The following RGS7 variants were observed in gnomAD, a reference collection of about 807,000 sequenced individuals.
RGS7 encodes regulator of G-protein signaling 7.
A neutral mutation model predicts 81.1 loss-of-function variants in RGS7; 27 were observed. That is an observed-to-expected ratio of 0.33 (90% CI 0.25 to 0.46). RGS7 has a LOEUF of 0.46. Among genes scored for constraint, RGS7 ranks in the 20% least tolerant of loss-of-function variants. The pLI, the probability that RGS7 is intolerant of heterozygous loss-of-function variation, is 1.00. For missense variants in RGS7, 396 were observed against 607.4 expected (o/e 0.65, Z 3.66); for synonymous variants, 208 against 207.7 (o/e 1.00, Z -0.01).
intron 2 of RGS7, among the ~76,000 whole-genome samples, chr1:241,274,741 C>T (rs1349515272): frequency 6.6e-6 from 1 of 152,132 alleles, no homozygotes; most frequent in Non-Finnish European, 1.5e-5. Flanking sequence ...CTCATTACGG[C>T]CCATGGAAAT....
chr1:241,306,411 GCACACACGTCCATACACCCTTTA>G (rs1228792024), intron 2 of RGS7, among the ~76,000 whole-genome samples: 13 of 125,110 alleles, frequency 1.0e-4, no homozygotes, highest in African/African-American at 3.4e-4. Context: ...ACCCTCACAT[GCACACACGTCCATACACCCTTTA>G]CACACACCCC....
intron 3 of RGS7, among the ~76,000 whole-genome samples, chr1:241,078,350 A>G (rs1020222048): frequency 7.6e-6 from 1 of 131,988 alleles, no homozygotes; most frequent in African/African-American, 3.0e-5. Context: ...TGTGTGGCAT[A>G]AACTGATACT....
At chr1:241,276,744 T>C (rs904153317) in intron 2 of RGS7, among the ~76,000 whole-genome samples, 6 of 152,254 alleles carry the variant, frequency 3.9e-5, no homozygotes, top group African/African-American at 1.4e-4. Flanking sequence ...CTACCTGGCA[T>C]ACAAGTATTT....
intron 3 of RGS7, among the ~76,000 whole-genome samples, chr1:241,025,527 A>G (rs1416683502): frequency 1.3e-5 from 2 of 152,194 alleles, no homozygotes; most frequent in Non-Finnish European, 2.9e-5. Flanking sequence ...TTCAAGCTCT[A>G]ACTACTTGGC....
intron 9 of RGS7, among the ~76,000 whole-genome samples, chr1:240,867,477 G>A (rs1236178391): frequency 6.6e-6 from 1 of 152,154 alleles, no homozygotes; most frequent in East Asian, 1.9e-4. Flanking sequence ...TCTTATAGTT[G>A]CTGGTAACCA....
intron 3 of RGS7, among the ~76,000 whole-genome samples, chr1:241,033,774 T>TG (rs1371721275): frequency 1.3e-5 from 2 of 152,212 alleles, no homozygotes; most frequent in Non-Finnish European, 2.9e-5. Context: ...TGGGAATCCT[T>TG]AATCTAGAGC....
chr1:241,082,700 ATAGT>A (rs2063204001), intron 3 of RGS7, among the ~76,000 whole-genome samples: 1 of 152,218 alleles, frequency 6.6e-6, no homozygotes, highest in Non-Finnish European at 1.5e-5. Flanking sequence ...GTATTTCAAA[ATAGT>A]TAGAAGAGAA....
intron 2 of RGS7, among the ~76,000 whole-genome samples, chr1:241,150,919 A>G (rs1021180105): frequency 6.6e-6 from 1 of 152,204 alleles, no homozygotes; most frequent in East Asian, 1.9e-4. Context: ...CACTGTTGCA[A>G]GCCCTGGAGT....
chr1:241,019,220 A>C (rs2059420855), intron 3 of RGS7, among the ~76,000 whole-genome samples: 1 of 152,136 alleles, frequency 6.6e-6, no homozygotes, highest in Non-Finnish European at 1.5e-5. Context: ...TCTTCATTTA[A>C]ATGTTCTTAC....
chr1:241,174,860 T>C (rs2070988652), intron 2 of RGS7, among the ~76,000 whole-genome samples: 1 of 151,948 alleles, frequency 6.6e-6, no homozygotes, highest in Non-Finnish European at 1.5e-5. Flanking sequence ...GAAAATGTTT[T>C]CTATGTGTTA....
chr1:241,012,229 G>A (rs1042188043), intron 3 of RGS7, among the ~76,000 whole-genome samples: 8 of 152,134 alleles, frequency 5.3e-5, no homozygotes, highest in Admixed American at 3.3e-4. Context: ...AGGGCAACAC[G>A]CAGATACACA....
At chr1:240,907,972 T>A (rs1198619974) in intron 6 of RGS7, among the ~76,000 whole-genome samples, 1 of 152,196 alleles carries the variant, frequency 6.6e-6, no homozygotes, top group African/African-American at 2.4e-5. Context: ...TATTTTTATT[T>A]TTTAATTTTC....
rs2076235684 is a variant in RGS7, at chr1:241,241,026, G to A, written c.78+114673C>T. On this transcript the variant is annotated intron_variant, in intron 2 of 18. Coordinates refer to ENST00000440928, the MANE Select transcript of RGS7 (RefSeq NM_001364886.1). ...GGCAGGCCAGAGCTAATTAAGAAGA[G>A]AACAGCCCAGGTTCACCCTCCCAAC... 2.0e-5 allele frequency among the ~76,000 whole-genome samples: 3 copies of A among 152,204 alleles called. No homozygotes were observed. The South Asian group carries it at 6.2e-4, about 32-fold the overall frequency.
At chr1:241,119,612 G>A (rs1307218823) in intron 2 of RGS7, among the ~76,000 whole-genome samples, 1 of 152,170 alleles carries the variant, frequency 6.6e-6, no homozygotes, top group Admixed American at 6.5e-5. Context: ...ACTGAGTTAT[G>A]CAGATCTCTT....
At chr1:241,284,039 T>C (rs2078666833) in intron 2 of RGS7, among the ~76,000 whole-genome samples, 1 of 152,236 alleles carries the variant, frequency 6.6e-6, no homozygotes, top group Non-Finnish European at 1.5e-5. Context: ...TTCTCATTTG[T>C]TTCAAGTGTG....
At chr1:241,340,593 A>C (rs2082487926) in intron 2 of RGS7, among the ~76,000 whole-genome samples, 1 of 152,158 alleles carries the variant, frequency 6.6e-6, no homozygotes, top group South Asian at 2.1e-4. Context: ...CTATTATCTT[A>C]GTATTTTTCT....
chr1:240,811,214 C>T (rs745614226), intron 14 of RGS7, among the ~76,000 whole-genome samples: 5 of 152,218 alleles, frequency 3.3e-5, no homozygotes, highest in African/African-American at 4.8e-5. Flanking sequence ...CATGAAACAA[C>T]AGTCTTATAT....
At chr1:241,331,845 A>AT (rs2081994930) in intron 2 of RGS7, among the ~76,000 whole-genome samples, 1 of 152,208 alleles carries the variant, frequency 6.6e-6, no homozygotes, top group African/African-American at 2.4e-5. Flanking sequence ...AGAAAGATGT[A>AT]TGGTAATGCA....
chr1:241,286,499 G>T (rs769518553), intron 2 of RGS7, among the ~76,000 whole-genome samples: 2 of 152,188 alleles, frequency 1.3e-5, no homozygotes, highest in African/African-American at 4.8e-5. Flanking sequence ...GATGGGGGAA[G>T]AGAAGGAAGT....
Sources: gnomAD v4.1 joint callset for allele counts (sites outside exome capture counted in the v4.1 genomes callset) on GRCh38, gnomAD v4.1.1 for gene constraint, MANE v1.5 for transcripts, NCBI Gene and HGNC (gene_info 2026-07-23, HGNC 2026-07-21) for gene names.